The following FOXP2 variants were observed in gnomAD, a reference collection of about 807,000 sequenced individuals.
The protein encoded by FOXP2 is forkhead box P2, also known as forkhead box protein P2.
In FOXP2, 12 loss-of-function variants were observed where a neutral mutation model predicts 115.8. The ratio of observed to expected loss-of-function variants is 0.10; its 90% confidence interval spans 0.07 to 0.17. The LOEUF (loss-of-function observed/expected upper bound fraction) is 0.17. Ranked by LOEUF, FOXP2 falls within the 10% of genes least tolerant of loss-of-function variation. The probability of loss-of-function intolerance (pLI) is 1.00; values close to 1 mark genes in which losing one functional copy is unlikely to be tolerated. For missense variants in FOXP2, 629 were observed against 843.5 expected (o/e 0.75, Z 3.15); for synonymous variants, 328 against 297.7 (o/e 1.10, Z -1.05).
At chr7:114,222,764 G>T (rs1025440768) in intron 1 of FOXP2, among the ~76,000 whole-genome samples, 2 of 152,146 alleles carry the variant, frequency 1.3e-5, no homozygotes, top group Non-Finnish European at 1.5e-5. Flanking sequence ...GGACAGTTGT[G>T]TTGAATTTTG....
At chr7:114,506,040 A>G (rs1797802016) in intron 2 of FOXP2, among the ~76,000 whole-genome samples, 1 of 151,370 alleles carries the variant, frequency 6.6e-6, no homozygotes, top group Non-Finnish European at 1.5e-5. Context: ...ATTAAAAAAC[A>G]ACAAAAAAAA....
At chr7:114,564,830 A>G (rs1041524782) in intron 3 of FOXP2, among the ~76,000 whole-genome samples, 2 of 151,414 alleles carry the variant, frequency 1.3e-5, no homozygotes, top group African/African-American at 4.9e-5. Flanking sequence ...GCAGTGAGCC[A>G]AGATTGCTCC....
At chr7:114,676,162 C>T (rs1224087331) in intron 16 of FOXP2, among the ~76,000 whole-genome samples, 7 of 147,640 alleles carry the variant, frequency 4.7e-5, no homozygotes, top group African/African-American at 1.5e-4. Flanking sequence ...CTCCTGACCT[C>T]AGGTGATCCA....
intron 2 of FOXP2, among the ~76,000 whole-genome samples, chr7:114,318,548 A>C (rs1797331518): frequency 1.3e-5 from 2 of 151,980 alleles, no homozygotes; most frequent in African/African-American, 2.4e-5. Flanking sequence ...CCTTTTTAAA[A>C]ATTACTGTTT....
At chr7:114,497,918 T>A (rs911191144) in intron 2 of FOXP2, among the ~76,000 whole-genome samples, 1 of 152,080 alleles carries the variant, frequency 6.6e-6, no homozygotes, top group Non-Finnish European at 1.5e-5. Context: ...GATGATGAGA[T>A]TCAGATTAAA....
At chr7:114,606,394 T>C (rs1286728611) in intron 3 of FOXP2, among the ~76,000 whole-genome samples, 1 of 152,172 alleles carries the variant, frequency 6.6e-6, no homozygotes, top group African/African-American at 2.4e-5. Context: ...AGACCTAGAA[T>C]TTTTAAGAAA....
At chr7:114,489,725 G>T (rs984689306) in intron 2 of FOXP2, among the ~76,000 whole-genome samples, 13 of 152,022 alleles carry the variant, frequency 8.6e-5, no homozygotes, top group African/African-American at 2.7e-4. Context: ...GGAGGTTAAA[G>T]TTGAAAAGTG....
At chr7:114,179,706 C>G (rs1212359097) in intron 1 of FOXP2, among the ~76,000 whole-genome samples, 3 of 151,930 alleles carry the variant, frequency 2.0e-5, no homozygotes, top group Non-Finnish European at 4.4e-5. Context: ...TAAGGCTATA[C>G]TTGAAGGAAA....
intron 3 of FOXP2, among the ~76,000 whole-genome samples, chr7:114,588,825 TC>T: frequency 6.6e-6 from 1 of 152,322 alleles, no homozygotes; most frequent in Non-Finnish European, 1.5e-5. Context: ...ACTGATTGCT[TC>T]CACTGATTTC....
intron 1 of FOXP2, among the ~76,000 whole-genome samples, chr7:114,421,326 G>C (rs1215657828): frequency 6.6e-6 from 1 of 151,592 alleles, no homozygotes; most frequent in Non-Finnish European, 1.5e-5. Flanking sequence ...TGAAATGGAA[G>C]ATAAGTTTTT....
rs192581095 is a variant in FOXP2 at position 114,608,122 on chromosome 7, G to A, written c.259-20418G>A. Among the ~76,000 whole-genome samples the A allele has an allele frequency of 1.4e-3, 212 of 152,322 alleles. 1 individual carries two copies. Among genetic ancestry groups the A allele is most frequent in the Non-Finnish European group, 1.5e-4 (10 of 68,026 alleles). On this transcript the variant is annotated intron_variant, in intron 3 of 16. Coordinates refer to ENST00000350908, the MANE Select transcript of FOXP2 (RefSeq NM_014491.4). ...CTCTGAACTAAAAATTTTATGCCTG[G>A]TGTATTTGTTTTCCAGTGCTATATT...
chr7:114,257,020 C>T (rs1554356986), intron 1 of FOXP2, among the ~76,000 whole-genome samples: 1 of 152,158 alleles, frequency 6.6e-6, no homozygotes, highest in Non-Finnish European at 1.5e-5. Flanking sequence ...AAGCTGAAGG[C>T]ATCATGCTGC....
chr7:114,441,329 G>T (rs922803753), intron 2 of FOXP2, among the ~76,000 whole-genome samples: 13 of 151,992 alleles, frequency 8.6e-5, no homozygotes, highest in African/African-American at 3.1e-4. Flanking sequence ...GTGCATGCCT[G>T]TAGTCCCAGC....
chr7:114,394,430 C>T (rs1037757802), intron 2 of FOXP2, among the ~76,000 whole-genome samples: 2 of 151,558 alleles, frequency 1.3e-5, no homozygotes, highest in South Asian at 4.2e-4. Flanking sequence ...CAAGCAAACA[C>T]CCCTACACAC....
chr7:114,111,048 T>A (rs1469677926), intron 1 of FOXP2, among the ~76,000 whole-genome samples: 1 of 152,116 alleles, frequency 6.6e-6, no homozygotes, highest in Non-Finnish European at 1.5e-5. Context: ...ATGATTTAAG[T>A]ATCAGAGGAT....
intron 2 of FOXP2, among the ~76,000 whole-genome samples, chr7:114,469,928 GTTA>G (rs1204319961): frequency 1.3e-5 from 2 of 152,044 alleles, no homozygotes; most frequent in African/African-American, 2.4e-5. Context: ...TTAGAGTTTT[GTTA>G]TTATCACATC....
intron 1 of FOXP2, among the ~76,000 whole-genome samples, chr7:114,100,614 C>T (rs1799756650): frequency 2.0e-5 from 3 of 152,040 alleles, no homozygotes; most frequent in Admixed American, 1.3e-4. Context: ...GCAATTGTGT[C>T]ATCCATAATT....
intron 1 of FOXP2, among the ~76,000 whole-genome samples, chr7:114,237,255 T>G (rs1295291800): frequency 6.6e-6 from 1 of 152,188 alleles, no homozygotes; most frequent in African/African-American, 2.4e-5. Context: ...TCAGATAAAG[T>G]GTTGAAGGTA....
chr7:114,533,473 G>A (rs1799237154), intron 2 of FOXP2, among the ~76,000 whole-genome samples: 1 of 151,876 alleles, frequency 6.6e-6, no homozygotes, highest in South Asian at 2.1e-4. Context: ...AGCAACTGTT[G>A]TCATGGATAC....
Sources: allele counts gnomAD v4.1 joint callset (sites outside exome capture counted in the v4.1 genomes callset), GRCh38; gene constraint gnomAD v4.1.1; transcripts MANE v1.5; gene names NCBI Gene and HGNC (gene_info 2026-07-23, HGNC 2026-07-21).